Variants in RPS6KC1 observed in about 807,000 individuals in gnomAD.
RPS6KC1 encodes ribosomal protein S6 kinase C1.
In RPS6KC1, 54 loss-of-function variants were observed where a neutral mutation model predicts 103.8. The ratio of observed to expected loss-of-function variants is 0.52; its 90% CI spans 0.42 to 0.65. RPS6KC1 has a LOEUF of 0.65. Ranked by LOEUF, RPS6KC1 falls within the 30% of genes least tolerant of loss-of-function variation. The pLI is 0.00. For synonymous variants in RPS6KC1, 439 were observed against 438.7 expected (o/e 1.00, Z -0.01); for missense variants, 1,151 against 1,253.8 (o/e 0.92, Z 1.24).
At position 213,104,575 on chromosome 1, in the gene RPS6KC1, G is replaced by T. The variant is rs2082300068; in HGVS notation, c.378+6G>T. The T allele has an allele frequency of 6.8e-7, 1 of 1,473,030 alleles. No individual in the cohort carries two copies. Among genetic ancestry groups the T allele is most frequent in the South Asian group, 1.2e-5 (1 of 82,440 alleles). 91.2% of individuals were successfully genotyped at this position (1,473,030 alleles called of 1,614,324 possible). A position where few individuals can be genotyped will look rare whatever the true frequency, so the allele number is the denominator to read the frequency against. On this transcript the variant is annotated splice_donor_region_variant and intron_variant, in intron 4 of 14. Coordinates refer to ENST00000366960, the MANE Select transcript of RPS6KC1 (RefSeq NM_012424.6). ...AGCTTGAAGACTTTTTCAAGGTTTG[G>T]TAGTCTTTCTGGAATATTTTATATC...
the RPS6KC1 span, among the ~76,000 whole-genome samples, chr1:213,738,838 AAATAAATAAAT>A: frequency 3.7e-4 from 4 of 10,750 alleles, no homozygotes; most frequent in Non-Finnish European, 6.6e-4. Context: ...CTACTCTAAA[AAATAAATAAAT>A]AAATAAATAA....
chr1:213,278,056 T>G (rs2095115492), downstream of RPS6KC1, among the ~76,000 whole-genome samples: 1 of 151,802 alleles, frequency 6.6e-6, no homozygotes. Flanking sequence ...ATACAAAAAT[T>G]AGCTTGGGCA....
chr1:213,464,777 AG>A, the RPS6KC1 span, among the ~76,000 whole-genome samples: 1 of 148,854 alleles, frequency 6.7e-6, no homozygotes, highest in African/African-American at 2.5e-5. Flanking sequence ...TGTTATTTGC[AG>A]GTTTTTTTTT....
chr1:213,336,153 A>G, the RPS6KC1 span, among the ~76,000 whole-genome samples: 27 of 152,342 alleles, frequency 1.8e-4, no homozygotes, highest in South Asian at 5.6e-3. Context: ...AATAGCTTAA[A>G]GTTCACTTCT....
the RPS6KC1 span, among the ~76,000 whole-genome samples, chr1:213,441,009 C>A: frequency 6.6e-6 from 1 of 152,124 alleles, no homozygotes; most frequent in African/African-American, 2.4e-5. Flanking sequence ...GGGCTCTCCC[C>A]CGTTCAAGTG....
chr1:213,659,881 T>C, the RPS6KC1 span, among the ~76,000 whole-genome samples: 1 of 152,214 alleles, frequency 6.6e-6, no homozygotes, highest in Non-Finnish European at 1.5e-5. Flanking sequence ...AGCCAAGCTA[T>C]CATCTACATT....
the RPS6KC1 span, among the ~76,000 whole-genome samples, chr1:213,715,796 T>C: frequency 6.6e-6 from 1 of 152,194 alleles, no homozygotes; most frequent in South Asian, 2.1e-4. Flanking sequence ...GGAAAGACAT[T>C]TGAGATTTAG....
intron 6 of RPS6KC1, among the ~76,000 whole-genome samples, chr1:213,150,691 G>A (rs1302532460): frequency 6.6e-6 from 1 of 152,060 alleles, no homozygotes; most frequent in Non-Finnish European, 1.5e-5. Context: ...AGAACAAAAT[G>A]AAAAGTCTCC....
At chr1:213,828,818 A>T in the RPS6KC1 span, among the ~76,000 whole-genome samples, 5 of 152,332 alleles carry the variant, frequency 3.3e-5, no homozygotes, top group African/African-American at 1.2e-4. Context: ...TGGATGGGTT[A>T]TTTGGTACTT....
the RPS6KC1 span, among the ~76,000 whole-genome samples, chr1:213,613,976 G>A: frequency 1.3e-5 from 2 of 152,206 alleles, no homozygotes; most frequent in East Asian, 1.9e-4. Context: ...CTTTTACTGC[G>A]GCTGGGTGGA....
At chr1:213,849,123 A>G in the RPS6KC1 span, among the ~76,000 whole-genome samples, 1 of 152,196 alleles carries the variant, frequency 6.6e-6, no homozygotes, top group Non-Finnish European at 1.5e-5. Flanking sequence ...TGCAATGGTT[A>G]AAGTTTGCAC....
the RPS6KC1 span, among the ~76,000 whole-genome samples, chr1:213,445,458 C>A: frequency 6.6e-6 from 1 of 152,144 alleles, no homozygotes; most frequent in Admixed American, 6.5e-5. Flanking sequence ...GTATGTTTTT[C>A]TTTACAGAAG....
At chr1:213,806,195 G>C in the RPS6KC1 span, among the ~76,000 whole-genome samples, 3 of 152,178 alleles carry the variant, frequency 2.0e-5, no homozygotes, top group African/African-American at 7.2e-5. Flanking sequence ...AGCCAGGCGT[G>C]GTGGTGGGCA....
the RPS6KC1 span, among the ~76,000 whole-genome samples, chr1:213,370,569 T>G: frequency 7.2e-5 from 11 of 151,994 alleles, no homozygotes; most frequent in Non-Finnish European, 1.6e-4. Context: ...GGAAGAGGTA[T>G]GGGGGTATTA....
At chr1:213,854,542 TTCTTTCTTTCTTTCTTTCTTTC>T in the RPS6KC1 span, among the ~76,000 whole-genome samples, 2 of 105,122 alleles carry the variant, frequency 1.9e-5, no homozygotes, top group Non-Finnish European at 3.8e-5. Context: ...CTTTCTTTCT[TTCTTTCTTTCTTTCTTTCTTTC>T]TCTCTCTCTC....
chr1:213,591,112 G>A, the RPS6KC1 span, among the ~76,000 whole-genome samples: 363 of 152,234 alleles, frequency 2.4e-3, 6 homozygotes, highest in East Asian at 0.062. Flanking sequence ...CACCGGGCAC[G>A]ATGCCTTTCT....
chr1:213,164,907 G>A (rs948867400), intron 6 of RPS6KC1, among the ~76,000 whole-genome samples: 1 of 152,178 alleles, frequency 6.6e-6, no homozygotes, highest in African/African-American at 2.4e-5. Flanking sequence ...AATTCTTGCT[G>A]TAGCTGAATG....
At chr1:213,691,611 A>G in the RPS6KC1 span, among the ~76,000 whole-genome samples, 1 of 152,158 alleles carries the variant, frequency 6.6e-6, no homozygotes, top group Admixed American at 6.5e-5. Flanking sequence ...GCATCTTCTA[A>G]ACTGTGTGGT....
chr1:213,586,387 A>C, the RPS6KC1 span, among the ~76,000 whole-genome samples: 16 of 152,370 alleles, frequency 1.1e-4, no homozygotes, highest in East Asian at 5.8e-4. Flanking sequence ...AGATGGAAAT[A>C]AATCTGGGAG....
Sources: allele counts gnomAD v4.1 joint callset (sites outside exome capture counted in the v4.1 genomes callset), GRCh38; gene constraint gnomAD v4.1.1; transcripts MANE v1.5; gene names NCBI Gene and HGNC (gene_info 2026-07-23, HGNC 2026-07-21).